Variants in CLEC2B observed in about 807,000 individuals in gnomAD.
CLEC2B encodes the protein C-type (calcium dependent, carbohydrate-recognition domain) lectin, superfamily member 2 (activation-induced).
In CLEC2B, 14 loss-of-function variants were observed where a neutral mutation model predicts 16.2. That is an observed-to-expected ratio of 0.86 (90% CI 0.57 to 1.35). CLEC2B has a LOEUF of 1.35. Ranked by LOEUF, CLEC2B falls within the 40% of genes most tolerant of loss-of-function variation. The pLI is 0.00. For synonymous variants in CLEC2B, 42 were observed against 55.8 expected, an observed-to-expected ratio of 0.75 and a Z score of 1.10; for missense variants, 166 against 182.3, an observed-to-expected ratio of 0.91 and a Z score of 0.52.
chr12:9,865,218 G>A (rs994216377), intron 1 of CLEC2B, among the ~76,000 whole-genome samples: 1 of 148,164 alleles, frequency 6.7e-6, no homozygotes, highest in Non-Finnish European at 1.5e-5. Context: ...AGTTAAAGTG[G>A]CTGACTTGGT....
intron 2 of CLEC2B, 53 bp from the exon 3 acceptor site, chr12:9,857,690 T>G: frequency 7.2e-7 from 1 of 1,386,596 alleles, no homozygotes; most frequent in South Asian, 1.2e-5. Flanking sequence ...AATATGCTAC[T>G]GTGTTTTGAG....
intron 1 of CLEC2B, among the ~76,000 whole-genome samples, chr12:9,863,145 C>G (rs1323467561): frequency 6.6e-6 from 1 of 152,138 alleles, no homozygotes; most frequent in Non-Finnish European, 1.5e-5. Context: ...CCTCGTCAGT[C>G]TTCCCACACT....
chr12:9,857,740 A>T, intron 2 of CLEC2B, 103 bp from the exon 3 acceptor site: 2 of 907,026 alleles, frequency 2.2e-6, no homozygotes, highest in South Asian at 1.6e-5. Flanking sequence ...GATTATGGTC[A>T]CTATGAAAGT....
chr12:9,860,841 C>T (rs572363847), intron 2 of CLEC2B, among the ~76,000 whole-genome samples: 1 of 151,772 alleles, frequency 6.6e-6, no homozygotes, highest in South Asian at 2.1e-4. Context: ...CAAAGACCAA[C>T]TGCAGTTGAG....
In CLEC2B at chr12:9,857,645, TG is replaced by T. The variant is rs1181243218; in HGVS notation, c.74-9del. The T allele has an allele frequency of 1.3e-6, 2 of 1,597,634 alleles. No homozygotes were observed. Among genetic ancestry groups the T allele is most frequent in the Admixed American group, 3.4e-5 (2 of 59,650 alleles). On this transcript the variant is annotated splice_polypyrimidine_tract_variant and intron_variant, in intron 2 of 4. Coordinates refer to ENST00000228438, the MANE Select transcript of CLEC2B (RefSeq NM_005127.3). ...AATCTCGAGTTAGTTTAACTGGAAA[TG>T]AGACAAATATATATCTTAAGTACCA...
At chr12:9,858,747 C>T (rs1250742650) in intron 2 of CLEC2B, among the ~76,000 whole-genome samples, 1 of 151,384 alleles carries the variant, frequency 6.6e-6, no homozygotes, top group Non-Finnish European at 1.5e-5. Context: ...CATATACACA[C>T]ATATGTGTAT....
intron 4 of CLEC2B, among the ~76,000 whole-genome samples, 184 bp downstream of exon 4, chr12:9,854,197 T>C (rs1450193116): frequency 6.6e-6 from 1 of 152,126 alleles, no homozygotes; most frequent in Non-Finnish European, 1.5e-5. Context: ...TCTGTTCCCT[T>C]ACATCTTAAT....
chr12:9,862,998 TG>T (rs1403532625), intron 1 of CLEC2B, among the ~76,000 whole-genome samples: 2 of 152,060 alleles, frequency 1.3e-5, no homozygotes, highest in African/African-American at 2.4e-5. Context: ...AGAGACAAAG[TG>T]GGGAGGCAGG....
intron 1 of CLEC2B, among the ~76,000 whole-genome samples, chr12:9,864,761 A>G (rs771245373): frequency 8.5e-5 from 13 of 152,164 alleles, no homozygotes; most frequent in Non-Finnish European, 1.8e-4. Context: ...ACCCCAAAGA[A>G]TGACAGTAAG....
chr12:9,856,081 T>A (rs11833550), intron 3 of CLEC2B, among the ~76,000 whole-genome samples: 1 of 151,986 alleles, frequency 6.6e-6, no homozygotes, highest in Admixed American at 6.6e-5. Context: ...CTGATACATT[T>A]GAAGATTTCT....
chr12:9,859,435 T>G (rs1426137466), intron 2 of CLEC2B, among the ~76,000 whole-genome samples: 1 of 151,710 alleles, frequency 6.6e-6, no homozygotes, highest in Non-Finnish European at 1.5e-5. Context: ...AAACACAAAT[T>G]AGCAACACAA....
chr12:9,868,799 C>T (rs11053490), intron 1 of CLEC2B, among the ~76,000 whole-genome samples: 13,368 of 151,926 alleles, frequency 0.088, 904 homozygotes, highest in East Asian at 0.35. Context: ...TCCTAAAGCC[C>T]GGAGTATCTT....
In CLEC2B at chr12:9,853,083, A is replaced by AAGAAAGAGAAAGAAAGAAAG; in HGVS notation, c.*216_*217insCTTTCTTTCTTTCTCTTTCT. ...AAAGAAAGAAAGAAAGAAAGAAAGA[A>AAGAAAGAGAAAGAAAGAAAG]AGAGAGAGAGAGAAAGAAAGAAAGA... On this transcript the variant is annotated 3_prime_UTR_variant, in exon 5 of 5. Transcript: ENST00000228438. The AAGAAAGAGAAAGAAAGAAAG allele has an allele frequency of 3.2e-6, 1 of 308,292 alleles. No homozygotes were observed. The highest frequency in any genetic ancestry group is 2.9e-5 in the African/African-American group (1 of 34,734). 19.1% of individuals were successfully genotyped at this position (308,292 alleles called of 1,614,324 possible).
At chr12:9,865,599 A>G (rs752210771) in intron 1 of CLEC2B, among the ~76,000 whole-genome samples, 2 of 152,188 alleles carry the variant, frequency 1.3e-5, no homozygotes, top group Non-Finnish European at 2.9e-5. Context: ...TGAGTAATGG[A>G]CAGATAATCT....
chr12:9,863,365 T>C (rs1244368194), intron 1 of CLEC2B, among the ~76,000 whole-genome samples: 1 of 151,160 alleles, frequency 6.6e-6, no homozygotes, highest in Non-Finnish European at 1.5e-5. Flanking sequence ...AAACAAGCCA[T>C]ATAAAATCCT....
intron 1 of CLEC2B, among the ~76,000 whole-genome samples, chr12:9,863,597 G>A (rs1867949195): frequency 6.6e-6 from 1 of 151,916 alleles, no homozygotes; most frequent in Admixed American, 6.6e-5. Flanking sequence ...TTTAACAAAG[G>A]GATTGAAATA....
intron 1 of CLEC2B, among the ~76,000 whole-genome samples, chr12:9,865,676 C>A (rs116939788): frequency 6.6e-6 from 1 of 152,148 alleles, no homozygotes; most frequent in South Asian, 2.1e-4. Context: ...CCAACTGACA[C>A]GTACAGAAGC....
chr12:9,867,749 A>T (rs1197554807), intron 1 of CLEC2B, among the ~76,000 whole-genome samples: 2 of 152,146 alleles, frequency 1.3e-5, no homozygotes, highest in East Asian at 3.8e-4. Context: ...TTTAATTAAC[A>T]GTGTAACTAA....
At chr12:9,858,137 C>T (rs1459508359) in intron 2 of CLEC2B, among the ~76,000 whole-genome samples, 1 of 152,026 alleles carries the variant, frequency 6.6e-6, no homozygotes, top group African/African-American at 2.4e-5. Flanking sequence ...ATGGAACTAA[C>T]ATGAGATTTG....
Sources: gnomAD v4.1 joint callset for allele counts (sites outside exome capture counted in the v4.1 genomes callset) on GRCh38, gnomAD v4.1.1 for gene constraint, MANE v1.5 for transcripts, NCBI Gene and HGNC (gene_info 2026-07-23, HGNC 2026-07-21) for gene names.